The following CAMKMT variants were observed in gnomAD, a reference collection of about 807,000 sequenced individuals.
The protein encoded by CAMKMT is calmodulin-lysine N-methyltransferase.
A neutral mutation model predicts 48.0 loss-of-function variants in CAMKMT; 53 were observed. The observed-to-expected ratio is 1.10, with a 90% CI of 0.89 to 1.39. CAMKMT has a LOEUF of 1.39. Ranked by LOEUF, CAMKMT falls within the 40% of genes most tolerant of loss-of-function variation. The pLI, the probability that CAMKMT is intolerant of heterozygous loss-of-function variation, is 0.00. For synonymous variants in CAMKMT, 165 were observed against 152.3 expected (o/e 1.08, Z -0.61); for missense variants, 428 against 402.7 (o/e 1.06, Z -0.54).
At position 44,520,435 on chromosome 2, in the gene CAMKMT, A is replaced by G. The variant is rs142346983; in HGVS notation, c.376+130130A>G. 5.4e-3 allele frequency among the ~76,000 whole-genome samples: 824 copies of G among 152,178 alleles called. 8 individuals carry two copies. The highest frequency in any genetic ancestry group is 0.019 in the African/African-American group (782 of 41,532). On this transcript the variant is annotated intron_variant, in intron 3 of 10. Transcript: ENST00000378494. The stretch of plus-strand genomic sequence containing the variant: ...TCCAGCCCTCAAAGCATTTTAAATT[A>G]CTATGCAATACTTCTACTCATCAAC...
chr2:44,625,714 AT>A (rs989383551), intron 3 of CAMKMT, among the ~76,000 whole-genome samples: 1 of 151,842 alleles, frequency 6.6e-6, no homozygotes, highest in Non-Finnish European at 1.5e-5. Flanking sequence ...GTCGAGGTTC[AT>A]TTTTTTTCCG....
chr2:44,381,131 C>T (rs1358283763), intron 2 of CAMKMT, among the ~76,000 whole-genome samples: 1 of 151,988 alleles, frequency 6.6e-6, no homozygotes, highest in Non-Finnish European at 1.5e-5. Flanking sequence ...TTGCACTCCA[C>T]CCTGGGTGAC....
At chr2:44,693,524 G>A (rs343981) in intron 3 of CAMKMT, among the ~76,000 whole-genome samples, 19,385 of 152,022 alleles carry the variant, frequency 0.13, 1,394 homozygotes, top group South Asian at 0.18. Context: ...TCTTTATTGT[G>A]TTCTTCCCCC....
chr2:44,586,172 G>T (rs1160237771), intron 3 of CAMKMT, among the ~76,000 whole-genome samples: 1 of 152,174 alleles, frequency 6.6e-6, no homozygotes, highest in Non-Finnish European at 1.5e-5. Flanking sequence ...AGGTGTTAAA[G>T]GCTTGGTTTA....
intron 3 of CAMKMT, among the ~76,000 whole-genome samples, chr2:44,654,767 G>A (rs963388154): frequency 2.6e-5 from 4 of 152,090 alleles, no homozygotes; most frequent in African/African-American, 7.2e-5. Context: ...CACCTGCTTC[G>A]GCCTCCCAAA....
chr2:44,466,664 T>G (rs528471132), intron 3 of CAMKMT, among the ~76,000 whole-genome samples: 1 of 151,710 alleles, frequency 6.6e-6, no homozygotes, highest in African/African-American at 2.4e-5. Context: ...TAATAAAGAT[T>G]TGAACAGAAA....
At position 44,634,800 on chromosome 2, in the gene CAMKMT, C is replaced by CAAAAAGAAAAA. The variant is rs537316717; in HGVS notation, c.377-69478_377-69477insGAAAAAAAAAA. Among the ~76,000 whole-genome samples the CAAAAAGAAAAA allele has an allele frequency of 3.9e-4, 43 of 110,148 alleles. 3 individuals carry two copies. Among genetic ancestry groups the CAAAAAGAAAAA allele is most frequent in the African/African-American group, 1.5e-3 (42 of 27,748 alleles). The allele number at this position is 110,148 out of a possible 152,430, so 72.3% of individuals were successfully genotyped here. On this transcript the variant is annotated intron_variant, in intron 3 of 10. Coordinates refer to ENST00000378494, the MANE Select transcript of CAMKMT (RefSeq NM_024766.5). ...GGTATTCTCCAGGTTGAGGGCTAGC[C>CAAAAAGAAAAA]AAAAAAAAAAAAGCATTCTAGTCAG...
intron 10 of CAMKMT, 80 bp from the exon 11 acceptor site, chr2:44,771,956 T>A (rs1357105385): frequency 1.2e-5 from 12 of 965,582 alleles, no homozygotes; most frequent in Non-Finnish European, 1.8e-5. Context: ...AAAGTCATCA[T>A]GATACTCAAC....
chr2:44,603,039 T>C (rs1193246674), intron 3 of CAMKMT, among the ~76,000 whole-genome samples: 8 of 150,784 alleles, frequency 5.3e-5, no homozygotes, highest in Admixed American at 1.3e-4. Context: ...AACCTATATA[T>C]ACACACACAC....
intron 9 of CAMKMT, among the ~76,000 whole-genome samples, chr2:44,763,603 GGTGGTAA>G (rs1680707758): frequency 6.6e-6 from 1 of 152,206 alleles, no homozygotes; most frequent in African/African-American, 2.4e-5. Context: ...GTGTGTCCCT[GGTGGTAA>G]GTGCTAAGAA....
intron 1 of CAMKMT, among the ~76,000 whole-genome samples, chr2:44,366,595 C>T (rs1022926066): frequency 7.2e-5 from 11 of 152,134 alleles, no homozygotes; most frequent in Admixed American, 4.6e-4. Flanking sequence ...TCAGTTTTCT[C>T]TTCACTTAAT....
intron 3 of CAMKMT, among the ~76,000 whole-genome samples, chr2:44,625,352 T>C (rs1672421179): frequency 6.6e-6 from 1 of 152,182 alleles, no homozygotes. Context: ...ACCTTTTTAT[T>C]AAATTGCAAT....
intron 3 of CAMKMT, among the ~76,000 whole-genome samples, chr2:44,646,863 C>T (rs767462362): frequency 1.3e-5 from 2 of 152,070 alleles, no homozygotes; most frequent in Admixed American, 6.5e-5. Context: ...GGTTAGTAAA[C>T]GATGGTTCAT....
chr2:44,652,946 G>A (rs1257505980), intron 3 of CAMKMT, among the ~76,000 whole-genome samples: 1 of 152,198 alleles, frequency 6.6e-6, no homozygotes, highest in Non-Finnish European at 1.5e-5. Context: ...CTGGTTGCCT[G>A]CTTCCCTTCT....
chr2:44,482,315 A>G (rs554134659), intron 3 of CAMKMT, among the ~76,000 whole-genome samples: 1 of 152,290 alleles, frequency 6.6e-6, no homozygotes, highest in South Asian at 2.1e-4. Context: ...TTTTGTAAGC[A>G]TTAGAATATA....
chr2:44,580,637 A>G lies in CAMKMT; in HGVS notation c.377-123646A>G, dbSNP rs1432958759. On this transcript the variant is annotated intron_variant, in intron 3 of 10. Transcript: ENST00000378494. The stretch of plus-strand genomic sequence containing the variant: ...GTGTCAAAAGAATAGGGACAATTTG[A>G]TGTTTTCTTTTGATGCTGTTTGTTG... Among the ~76,000 whole-genome samples, 6 of 152,190 alleles carry G rather than the reference A, an allele frequency of 3.9e-5. No homozygotes were observed. In the East Asian group the frequency reaches 1.2e-3, roughly 29 times the overall value.
chr2:44,651,750 C>T (rs568818238), intron 3 of CAMKMT, among the ~76,000 whole-genome samples: 3 of 152,158 alleles, frequency 2.0e-5, no homozygotes, highest in Non-Finnish European at 4.4e-5. Context: ...CTTTTCCCAA[C>T]TTTCGTATAA....
chr2:44,527,447 A>G (rs1223489546), intron 3 of CAMKMT, among the ~76,000 whole-genome samples: 2 of 139,824 alleles, frequency 1.4e-5, no homozygotes, highest in Admixed American at 1.5e-4. Context: ...TTTTTGGTAG[A>G]GATGAGGTCT....
At chr2:44,367,848 A>G (rs566900812) in intron 1 of CAMKMT, among the ~76,000 whole-genome samples, 1 of 152,202 alleles carries the variant, frequency 6.6e-6, no homozygotes, top group Non-Finnish European at 1.5e-5. Flanking sequence ...TTGATGATGT[A>G]ATCAGGGCAT....
Sources: gnomAD v4.1 joint callset for allele counts (sites outside exome capture counted in the v4.1 genomes callset) on GRCh38, gnomAD v4.1.1 for gene constraint, MANE v1.5 for transcripts, NCBI Gene and HGNC (gene_info 2026-07-23, HGNC 2026-07-21) for gene names.